Variants in CKMT2 observed in about 807,000 individuals in gnomAD.
CKMT2 encodes the protein creatine kinase S-type, mitochondrial.
A neutral mutation model predicts 48.9 loss-of-function variants in CKMT2; 43 were observed. That is an observed-to-expected ratio of 0.88 (90% CI 0.69 to 1.13). The LOEUF is 1.13. Among genes scored for constraint, CKMT2 ranks in the 50% most tolerant of loss-of-function variants. The pLI is 0.00. For synonymous variants in CKMT2, 206 were observed against 213.0 expected (o/e 0.97, Z 0.29); for missense variants, 472 against 555.4 (o/e 0.85, Z 1.51).
chr5:81,257,487 G>A (rs1032095528), intron 6 of CKMT2, among the ~76,000 whole-genome samples: 12 of 152,148 alleles, frequency 7.9e-5, no homozygotes, highest in African/African-American at 2.9e-4. Flanking sequence ...AGAGGACCTA[G>A]GGGGAATTAA....
At chr5:81,255,333 A>AC in intron 5 of CKMT2, 119 bp downstream of exon 5, 1 of 841,216 alleles carries the variant, frequency 1.2e-6, no homozygotes, top group Non-Finnish European at 1.9e-6. Context: ...GCTGGGCTCC[A>AC]CCCCTGAGCT....
At chr5:81,240,825 A>T (rs1756410539) in intron 1 of CKMT2, among the ~76,000 whole-genome samples, 1 of 152,120 alleles carries the variant, frequency 6.6e-6, no homozygotes, top group African/African-American at 2.4e-5. Flanking sequence ...TTCTCTCCTT[A>T]TTCAGATATT....
chr5:81,264,343 A>T (rs1228406989), intron 9 of CKMT2, among the ~76,000 whole-genome samples: 1 of 152,224 alleles, frequency 6.6e-6, no homozygotes, highest in African/African-American at 2.4e-5. Flanking sequence ...GCCCATCATT[A>T]ATTTTAAAGC....
chr5:81,254,794 A>G, intron 4 of CKMT2, 199 bp from the exon 5 acceptor site: 2 of 612,312 alleles, frequency 3.3e-6, no homozygotes, highest in African/African-American at 1.8e-5. Context: ...ACCACGCTAT[A>G]TAAAACAGCT....
chr5:81,256,105 T>C (rs1463362511), intron 5 of CKMT2, among the ~76,000 whole-genome samples: 3 of 152,182 alleles, frequency 2.0e-5, no homozygotes, highest in Non-Finnish European at 4.4e-5. Context: ...ACGTGTGTAA[T>C]CATATTTGAA....
intron 5 of CKMT2, among the ~76,000 whole-genome samples, chr5:81,256,672 A>T (rs2112813559): frequency 6.6e-6 from 1 of 152,282 alleles, no homozygotes; most frequent in Non-Finnish European, 1.5e-5. Flanking sequence ...TTAGCTGCAA[A>T]CTAGAATCAC....
In CKMT2 at chr5:81,266,380, T is replaced by A; in HGVS notation, c.*122T>A. The A allele has an allele frequency of 1.1e-6, 1 of 900,100 alleles. No homozygotes were observed. Among genetic ancestry groups the A allele is most frequent in the Non-Finnish European group, 1.7e-6 (1 of 601,208 alleles). The allele number at this position is 900,100 out of a possible 1,614,324, so 55.8% of individuals were successfully genotyped here. On this transcript the variant is annotated 3_prime_UTR_variant, in exon 10 of 10. Transcript: ENST00000254035. ...TTGTAGATCCTGCCTATCTTTACAA[T>A]AAAACTCTCCTTAATATATCTTTGC...
intron 1 of CKMT2, among the ~76,000 whole-genome samples, chr5:81,242,031 C>T (rs1314362487): frequency 6.6e-6 from 1 of 151,802 alleles, no homozygotes; most frequent in Non-Finnish European, 1.5e-5. Flanking sequence ...CGTCTGTTAT[C>T]TGTGGGGTAG....
intron 3 of CKMT2, 119 bp downstream of exon 3, chr5:81,253,012 C>G: frequency 3.6e-6 from 4 of 1,124,238 alleles, no homozygotes; most frequent in Non-Finnish European, 5.3e-6. Context: ...TCAGGAAGGG[C>G]TCTCATAAAG....
At chr5:81,247,800 A>G (rs1756662420) in intron 1 of CKMT2, among the ~76,000 whole-genome samples, 1 of 152,182 alleles carries the variant, frequency 6.6e-6, no homozygotes, top group Non-Finnish European at 1.5e-5. Flanking sequence ...TTGCTTCACC[A>G]AAACCTGGAG....
intron 9 of CKMT2, among the ~76,000 whole-genome samples, chr5:81,264,262 A>G (rs1323538763): frequency 6.6e-6 from 1 of 152,216 alleles, no homozygotes; most frequent in Non-Finnish European, 1.5e-5. Context: ...CATGCAGCTG[A>G]ATGCTAAGCA....
At chr5:81,258,225 C>G (rs561997107) in intron 7 of CKMT2, among the ~76,000 whole-genome samples, 1 of 150,614 alleles carries the variant, frequency 6.6e-6, no homozygotes, top group African/African-American at 2.5e-5. Flanking sequence ...GATGAGCCAC[C>G]ACGCCCAGCC....
At chr5:81,250,969 A>G in intron 1 of CKMT2, 144 bp from the exon 2 acceptor site, 1 of 655,244 alleles carries the variant, frequency 1.5e-6, no homozygotes. Flanking sequence ...ACACACACAC[A>G]CACACACACA....
At chr5:81,246,641 G>T (rs1561279373) in intron 1 of CKMT2, among the ~76,000 whole-genome samples, 1 of 152,164 alleles carries the variant, frequency 6.6e-6, no homozygotes, top group African/African-American at 2.4e-5. Flanking sequence ...TCAGTAAAGA[G>T]TTCCTTAATG....
intron 8 of CKMT2, among the ~76,000 whole-genome samples, chr5:81,261,441 A>G (rs1472836144): frequency 6.6e-6 from 1 of 152,226 alleles, no homozygotes; most frequent in African/African-American, 2.4e-5. Context: ...ACATGATTGT[A>G]TATTTAGAAA....
intron 7 of CKMT2, 199 bp downstream of exon 7, chr5:81,258,055 C>T (rs934910878): frequency 9.2e-6 from 4 of 435,544 alleles, no homozygotes; most frequent in South Asian, 2.9e-5. Context: ...GCCACCACCA[C>T]ACCTGGCTAA....
intron 6 of CKMT2, among the ~76,000 whole-genome samples, chr5:81,257,370 A>C (rs13170098): frequency 0.25 from 37,682 of 151,906 alleles, 5,101 homozygotes; most frequent in Admixed American, 0.37. Context: ...GGTAACCCCC[A>C]CCCGCTTTTT....
chr5:81,234,395 G>A (rs1331128477), intron 1 of CKMT2, among the ~76,000 whole-genome samples: 3 of 152,058 alleles, frequency 2.0e-5, no homozygotes, highest in African/African-American at 4.8e-5. Context: ...TCCTGTCTAC[G>A]GCTCTCACAT....
At position 81,256,944 on chromosome 5, in the gene CKMT2, C is replaced by T. The variant is rs1210957786; in HGVS notation, c.699C>T (p.Ser233=). ...DDHFLFDKPV[S]PLLTCAGMAR... is the part of the protein sequence containing the mutation. ...ACTTTCTGTTTGATAAGCCAGTGTC[C>T]CCTTTATTAACATGTGCTGGGATGG... Residue 233 remains serine, a synonymous_variant, in exon 6 of 10, where the codon TCC becomes TCT. Coordinates refer to ENST00000254035, the MANE Select transcript of CKMT2 (RefSeq NM_001099735.2). 1 of 1,613,916 alleles carries T rather than the reference C, an allele frequency of 6.2e-7. No homozygotes were observed. The highest frequency in any genetic ancestry group is 8.5e-7 in the Non-Finnish European group (1 of 1,179,920).
Sources: allele counts gnomAD v4.1 joint callset (sites outside exome capture counted in the v4.1 genomes callset), GRCh38; gene constraint gnomAD v4.1.1; transcripts MANE v1.5; gene names NCBI Gene and HGNC (gene_info 2026-07-23, HGNC 2026-07-21).